ADK: variants seen among roughly 807,000 people sequenced by gnomAD.
ADK encodes N6,N6-dimethyladenosine kinase.
In ADK, 24 loss-of-function variants were observed where a neutral mutation model predicts 44.7. The ratio of observed to expected loss-of-function variants is 0.54; its 90% confidence interval spans 0.39 to 0.76. ADK has a LOEUF of 0.76. Among genes scored for constraint, ADK ranks in the 30% least tolerant of loss-of-function variants. ADK has a pLI of 0.00. For missense variants in ADK, 321 were observed against 425.1 expected, an observed-to-expected ratio of 0.76 and a Z score of 2.15; for synonymous variants, 128 against 142.6, an observed-to-expected ratio of 0.90 and a Z score of 0.73.
chr10:74,630,096 C>CA (rs529381057), intron 9 of ADK, among the ~76,000 whole-genome samples: 11 of 150,088 alleles, frequency 7.3e-5, no homozygotes, highest in African/African-American at 2.4e-4. Context: ...CATTTTGCAG[C>CA]AAAAAAAAAG....
At chr10:74,314,635 A>T in intron 3 of ADK, 32 bp from the exon 4 acceptor site, 1 of 1,490,208 alleles carries the variant, frequency 6.7e-7, no homozygotes, top group Non-Finnish European at 9.4e-7. Context: ...ACAGAAGGTA[A>T]CTTACTTTTT....
At chr10:74,460,844 A>G (rs1182447851) in intron 6 of ADK, among the ~76,000 whole-genome samples, 1 of 152,198 alleles carries the variant, frequency 6.6e-6, no homozygotes, top group Non-Finnish European at 1.5e-5. Context: ...AGCTTAAGAA[A>G]ATGTTTAAAG....
chr10:74,589,310 G>A lies in ADK; in HGVS notation c.755G>A (p.Gly252Asp), dbSNP rs758688861. ...TEAATFAREQ[G>D]FETKDIKEIA... Reference sequence around the variant, plus strand: ...GCTGCCACTTTTGCTAGAGAGCAAGGCTTTGAGGTGAGTTAACCCACAATT... The same window carrying A: ...GCTGCCACTTTTGCTAGAGAGCAAGACTTTGAGGTGAGTTAACCCACAATT... The change falls in exon 8 of 11, where the codon GGC becomes GAC. Residue 252 changes from glycine to aspartate, a missense_variant. Coordinates refer to ENST00000539909, the MANE Select transcript of ADK (RefSeq NM_006721.4). 2 of 1,613,400 alleles carry A rather than the reference G, an allele frequency of 1.2e-6. No individual in the cohort carries two copies. The highest frequency in any genetic ancestry group is 1.7e-6 in the Non-Finnish European group (2 of 1,179,776).
intron 9 of ADK, among the ~76,000 whole-genome samples, chr10:74,616,923 A>G (rs1006905917): frequency 6.6e-6 from 1 of 152,096 alleles, no homozygotes; most frequent in Admixed American, 6.5e-5. Flanking sequence ...AAGGTCTTGT[A>G]TATGTATCTT....
intron 6 of ADK, among the ~76,000 whole-genome samples, chr10:74,423,066 A>G (rs923355393): frequency 2.6e-5 from 4 of 152,192 alleles, no homozygotes; most frequent in Non-Finnish European, 5.9e-5. Context: ...CAAGAGGGAA[A>G]GAAAGGGTAG....
rs191404436 is a variant in ADK, at chr10:74,676,278, C to T, written c.964+6009C>T. 6.7e-4 allele frequency among the ~76,000 whole-genome samples: 102 copies of T among 151,930 alleles called. 2 individuals carry two copies. The highest frequency in any genetic ancestry group is 2.1e-3 in the African/African-American group (87 of 41,438). The stretch of plus-strand genomic sequence containing the variant: ...CCAAATAGCTAGAATTACAGGCATC[C>T]GCCATCACGCCTGGCTAATTTTTGT... On this transcript the variant is annotated intron_variant, in intron 10 of 10. Transcript: ENST00000539909.
At chr10:74,436,944 C>T (rs887804570) in intron 6 of ADK, among the ~76,000 whole-genome samples, 1 of 151,980 alleles carries the variant, frequency 6.6e-6, no homozygotes, top group African/African-American at 2.4e-5. Flanking sequence ...TTGTAGATGA[C>T]ATTTTGCATA....
At chr10:74,200,554 A>G (rs1359757175) in intron 1 of ADK, among the ~76,000 whole-genome samples, 1 of 151,030 alleles carries the variant, frequency 6.6e-6, no homozygotes, top group East Asian at 1.9e-4. Context: ...TTTGATTTGC[A>G]TCTTTCTCTG....
At chr10:74,199,043 A>G (rs1240894472) in intron 1 of ADK, among the ~76,000 whole-genome samples, 1 of 152,222 alleles carries the variant, frequency 6.6e-6, no homozygotes, top group Non-Finnish European at 1.5e-5. Flanking sequence ...AAATCGTTCT[A>G]TAAAAAGTTA....
intron 10 of ADK, 30 bp from the exon 11 acceptor site, chr10:74,708,291 C>T (rs1856676994): frequency 3.7e-6 from 6 of 1,600,488 alleles, no homozygotes; most frequent in Non-Finnish European, 4.3e-6. Context: ...TTATACAATA[C>T]TCATGTGTTT....
chr10:74,290,122 G>A (rs981874100), intron 3 of ADK, among the ~76,000 whole-genome samples: 1 of 147,844 alleles, frequency 6.8e-6, no homozygotes, highest in African/African-American at 2.5e-5. Context: ...TCACATAGGG[G>A]TTCAATTGGG....
chr10:74,527,788 T>C (rs1849115812), intron 7 of ADK: 5 of 1,567,478 alleles, frequency 3.2e-6, no homozygotes, highest in African/African-American at 1.3e-5. Context: ...AAACCTGACA[T>C]GTGGGCATAC....
chr10:74,448,799 A>T (rs995102352), intron 6 of ADK, among the ~76,000 whole-genome samples: 1 of 152,140 alleles, frequency 6.6e-6, no homozygotes, highest in Non-Finnish European at 1.5e-5. Flanking sequence ...TTGTGTATAC[A>T]TGTTATTTAC....
intron 8 of ADK, among the ~76,000 whole-genome samples, chr10:74,596,236 G>A (rs935273839): frequency 6.6e-6 from 1 of 152,136 alleles, no homozygotes; most frequent in Non-Finnish European, 1.5e-5. Context: ...GAGTCAGACT[G>A]TGGGTGCTAG....
chr10:74,348,752 A>T (rs752140916), intron 4 of ADK, among the ~76,000 whole-genome samples: 1 of 151,822 alleles, frequency 6.6e-6, no homozygotes, highest in Non-Finnish European at 1.5e-5. Flanking sequence ...CAGCACGAGC[A>T]CTTCATGAAG....
intron 10 of ADK, 127 bp from the exon 11 acceptor site, chr10:74,708,194 A>G: frequency 9.0e-7 from 1 of 1,109,692 alleles, no homozygotes; most frequent in Non-Finnish European, 1.3e-6. Context: ...GTAACGCACA[A>G]GACTTTCTCT....
At chr10:74,512,291 C>T (rs529993578) in intron 6 of ADK, among the ~76,000 whole-genome samples, 4 of 151,620 alleles carry the variant, frequency 2.6e-5, no homozygotes, top group East Asian at 3.9e-4. Flanking sequence ...TTTGGTATCA[C>T]GGTTATGTTG....
At chr10:74,527,993 C>G in intron 7 of ADK, 1 of 807,198 alleles carries the variant, frequency 1.2e-6, no homozygotes, top group Non-Finnish European at 2.2e-6. Flanking sequence ...AAAAAGGCAC[C>G]TGCAAGAAAA....
At chr10:74,634,930 A>G (rs1853574116) in intron 9 of ADK, among the ~76,000 whole-genome samples, 1 of 152,126 alleles carries the variant, frequency 6.6e-6, no homozygotes, top group Non-Finnish European at 1.5e-5. Flanking sequence ...AAGTGGACAG[A>G]GCAAGACTCC....
Sources: allele counts gnomAD v4.1 joint callset (sites outside exome capture counted in the v4.1 genomes callset), GRCh38; gene constraint gnomAD v4.1.1; transcripts MANE v1.5; gene names NCBI Gene and HGNC (gene_info 2026-07-23, HGNC 2026-07-21).